Variants in GAK observed in about 807,000 individuals in gnomAD.
GAK encodes the protein cyclin-G-associated kinase.
Under a neutral mutation model 143.9 loss-of-function variants are expected in GAK, and 79 were observed. The ratio of observed to expected loss-of-function variants is 0.55; its 90% CI spans 0.46 to 0.66. The LOEUF (loss-of-function observed/expected upper bound fraction) is 0.66. Among genes scored for constraint, GAK ranks in the 30% least tolerant of loss-of-function variants. The pLI is 0.00. For missense variants in GAK, 1,693 were observed against 1,779.7 expected (o/e 0.95, Z 0.88); for synonymous variants, 881 against 765.5 (o/e 1.15, Z -2.49).
chr4:912,862 A>G, intron 2 of GAK, 68 bp from the exon 3 acceptor site: 1 of 1,329,794 alleles, frequency 7.5e-7, no homozygotes, highest in Non-Finnish European at 1.1e-6. Context: ...CCGATGCATC[A>G]TCTCAGACAT....
intron 1 of GAK, among the ~76,000 whole-genome samples, chr4:914,399 C>CCCAA (rs1722653696): frequency 8.0e-6 from 1 of 124,998 alleles, no homozygotes; most frequent in Non-Finnish European, 1.7e-5. Context: ...ATGCACGGCC[C>CCCAA]CACACACAGA....
At chr4:861,809 G>C (rs928091407) in intron 23 of GAK, among the ~76,000 whole-genome samples, 5 of 152,158 alleles carry the variant, frequency 3.3e-5, no homozygotes, top group African/African-American at 9.7e-5. Context: ...AGGAAGTTCG[G>C]GTGATCTGGA....
At chr4:897,271 GC>G (rs1160492310) in intron 6 of GAK, among the ~76,000 whole-genome samples, 1 of 152,190 alleles carries the variant, frequency 6.6e-6, no homozygotes, top group Non-Finnish European at 1.5e-5. Flanking sequence ...CCTTGGGCAG[GC>G]CACAATTTCT....
At chr4:924,303 T>C (rs1321743239) in intron 1 of GAK, among the ~76,000 whole-genome samples, 2 of 151,338 alleles carry the variant, frequency 1.3e-5, no homozygotes, top group Non-Finnish European at 2.9e-5. Flanking sequence ...CCACAAGAAA[T>C]GCTGGTGAGG....
At position 865,205 on chromosome 4, in the gene GAK, G is replaced by A; in HGVS notation, c.3083C>T (p.Ser1028Phe). ...TCCTCCCAGCAGGTCTGGGTTGCTG[G>A]ACGAGGCTGTCATCTTGCTGGGCTC... ...PGEPSKMTAS[S>F]SNPDLLGGWA... The change falls in exon 23 of 28, where the codon TCC becomes TTC. Residue 1028 changes from serine (S) to phenylalanine (F), a missense_variant. By Grantham distance (155) the Ser-to-Phe change is radical (BLOSUM62 -2). Transcript: ENST00000314167. 1 of 1,613,354 alleles carries A rather than the reference G, an allele frequency of 6.2e-7. No homozygotes were observed. The highest frequency in any genetic ancestry group is 8.5e-7 in the Non-Finnish European group (1 of 1,179,870).
At chr4:870,083 C>T (rs983097578) in intron 19 of GAK, 2 of 154,568 alleles carry the variant, frequency 1.3e-5, no homozygotes, top group African/African-American at 2.4e-5. Context: ...TGAATGCACA[C>T]ACCACTCGTG....
rs778100796 is a variant in GAK at position 883,360 on chromosome 4, G to A, written c.1359C>T (p.Tyr453=). The A allele has an allele frequency of 3.7e-6, 6 of 1,613,730 alleles. No homozygotes were observed. The highest frequency in any genetic ancestry group is 5.1e-6 in the Non-Finnish European group (6 of 1,180,014). Reference sequence around the variant, plus strand: ...GCCGGTAGGTCCTCGGGGACAGGTTGTAGACGGCATAGTGCCCTGGGTGCT... The same window carrying A: ...GCCGGTAGGTCCTCGGGGACAGGTTATAGACGGCATAGTGCCCTGGGTGCT... ...DSKHPGHYAV[Y]NLSPRTYRPS... is the part of the protein sequence containing the mutation. The change falls in exon 13 of 28, where the codon TAC becomes TAT. Residue 453 remains tyrosine, a synonymous_variant. Transcript: ENST00000314167.
At chr4:893,259 C>T in intron 9 of GAK, 118 bp downstream of exon 9, 2 of 685,956 alleles carry the variant, frequency 2.9e-6, no homozygotes, top group Middle Eastern at 4.5e-4. Flanking sequence ...GCCTCCCTCC[C>T]TTCTGCAGGG....
chr4:870,830 T>C lies in GAK; in HGVS notation c.2129A>G (p.Glu710Gly), dbSNP rs760765935. The part of the protein sequence containing the change: ...LFQVNLEVEV[E>G]PRDRPSREAP... Reference sequence around the variant, plus strand: ...TTCCCGGCTCGGCCTGTCCCTGGGCTCCACCTCCACTTCCAGGTTCACTTG... The same window carrying C: ...TTCCCGGCTCGGCCTGTCCCTGGGCCCCACCTCCACTTCCAGGTTCACTTG... Residue 710 changes from glutamate to glycine, a missense_variant, in exon 19 of 28, where the codon GAG (glutamate) becomes GGG (glycine). Glu to Gly is a moderately conservative substitution (Grantham distance 98). Around this residue, in one of 2 missense-constraint regions of GAK, gnomAD observed 871 missense variants for 991.0 expected, o/e 0.88. Transcript: ENST00000314167. 6.2e-7 allele frequency: 1 copy of C among 1,614,032 alleles called. No homozygotes were observed. The highest frequency in any genetic ancestry group is 8.5e-7 in the Non-Finnish European group (1 of 1,179,966).
chr4:909,765 T>C (rs2152929579), intron 4 of GAK, among the ~76,000 whole-genome samples: 1 of 152,186 alleles, frequency 6.6e-6, no homozygotes, highest in East Asian at 1.9e-4. Context: ...GGGAACCCCA[T>C]GAGCAGGAAG....
intron 5 of GAK, among the ~76,000 whole-genome samples, chr4:898,681 G>A (rs1056062892): frequency 3.3e-5 from 5 of 152,288 alleles, no homozygotes; most frequent in Non-Finnish European, 7.4e-5. Context: ...GACCAACATG[G>A]TAAAACCTCG....
chr4:879,345 G>A (rs960286506), intron 15 of GAK, among the ~76,000 whole-genome samples: 5 of 152,218 alleles, frequency 3.3e-5, no homozygotes, highest in Non-Finnish European at 7.3e-5. Context: ...GAACACTGAT[G>A]TGGCTGGATT....
rs750711187 is a variant in GAK at position 877,081 on chromosome 4, C to T, written c.1974+9G>A. 37 of 1,592,752 alleles carry T rather than the reference C, an allele frequency of 2.3e-5. No homozygotes were observed. The East Asian group carries it at 7.4e-4, about 32-fold the overall frequency. ...TGGGGAGCACCGGGCAAGCCACAGG[C>T]TCTCTCACCTTGGCCTGCAGCCGGC... On this transcript the variant is annotated intron_variant, in intron 17 of 27. Coordinates refer to ENST00000314167, the MANE Select transcript of GAK (RefSeq NM_005255.4).
At chr4:927,028 C>A (rs866486817) in intron 1 of GAK, among the ~76,000 whole-genome samples, 7 of 36,500 alleles carry the variant, frequency 1.9e-4, no homozygotes, top group Admixed American at 4.4e-4. Flanking sequence ...CTGCCCCGCA[C>A]CCCTCCCCGC....
intron 19 of GAK, chr4:869,027 C>G (rs981551358): frequency 4.8e-4 from 140 of 290,718 alleles, no homozygotes; most frequent in Non-Finnish European, 4.7e-4. Context: ...ATAGAGCACA[C>G]ACACAGGCGC....
chr4:893,461 C>A lies in GAK; in HGVS notation c.906G>T (p.Glu302Asp). 1 of 1,587,094 alleles carries A rather than the reference C, an allele frequency of 6.3e-7. No homozygotes were observed. Among genetic ancestry groups the A allele is most frequent in the African/African-American group, 1.4e-5 (1 of 73,904 alleles). The change falls in exon 9 of 28, where the codon GAG becomes GAT. Residue 302 changes from glutamate (E) to aspartate (D), a missense_variant. Transcript: ENST00000314167. Reference protein sequence around the residue: ...IRAMLQVNPEERLSIAEVVHQ... With the variant: ...IRAMLQVNPEDRLSIAEVVHQ... ...GCACCACCTCGGCGATGGACAGCCG[C>A]TCCTCCGGGTTCACCTGCAGCATGG...
rs767100518 is a variant in GAK, at chr4:912,724, G to C, written c.267+11C>G. 6.2e-7 allele frequency: 1 copy of C among 1,612,592 alleles called. No homozygotes were observed. Among genetic ancestry groups the C allele is most frequent in the Non-Finnish European group, 8.5e-7 (1 of 1,178,912 alleles). ...CCACCGTGCTGGCTCCTGGTTCCAG[G>C]AAAAGGATACCATGAAGCAAACTTC... On this transcript the variant is annotated intron_variant, in intron 3 of 27. Transcript: ENST00000314167.
chr4:862,166 C>G (rs1054595276), intron 23 of GAK, among the ~76,000 whole-genome samples: 21 of 151,768 alleles, frequency 1.4e-4, no homozygotes, highest in Non-Finnish European at 7.4e-5. Flanking sequence ...ACCCGCCAGA[C>G]TCTCCATGCA....
chr4:918,732 G>C (rs565411279), intron 1 of GAK, among the ~76,000 whole-genome samples: 2 of 152,186 alleles, frequency 1.3e-5, no homozygotes, highest in Admixed American at 1.3e-4. Context: ...TGCCATGACT[G>C]GAAAGACAGA....
Sources: gnomAD v4.1 joint callset for allele counts (sites outside exome capture counted in the v4.1 genomes callset) on GRCh38, gnomAD v4.1.1 for gene constraint, gnomAD v4.1.1 regional missense constraint, MANE v1.5 for transcripts, NCBI Gene and HGNC (gene_info 2026-07-23, HGNC 2026-07-21) for gene names.